The following CCNYL1 variants were observed in gnomAD, a reference collection of about 807,000 sequenced individuals.
CCNYL1 encodes cyclin-Y-like protein 1.
CCNYL1 carries 16 observed loss-of-function variants against 44.2 expected under a neutral mutation model. The ratio of observed to expected loss-of-function variants is 0.36; its 90% CI spans 0.25 to 0.55. The LOEUF (loss-of-function observed/expected upper bound fraction) is 0.55. CCNYL1 is among the 20% of genes least tolerant of loss of function. The pLI is 0.85. For missense variants in CCNYL1, 348 were observed against 451.8 expected (o/e 0.77, Z 2.08); for synonymous variants, 159 against 163.2 (o/e 0.97, Z 0.20).
Position 207,751,138 on chromosome 2 carries a change from T to C in CCNYL1, c.969+19T>C. ...CCTAGAGGTAAGGCTATGAAGTCAC[T>C]AAGTGAGGTTTTCCATCAGCCACCA... On this transcript the variant is annotated intron_variant, in intron 9 of 9. Transcript: ENST00000295414. 6.3e-7 allele frequency: 1 copy of C among 1,599,080 alleles called. No homozygotes were observed. Among genetic ancestry groups the C allele is most frequent in the Non-Finnish European group, 8.5e-7 (1 of 1,172,668 alleles).
intron 7 of CCNYL1, 126 bp from the exon 8 acceptor site, chr2:207,746,921 G>C: frequency 2.9e-6 from 2 of 688,264 alleles, no homozygotes; most frequent in Non-Finnish European, 4.7e-6. Context: ...GGTTCTGTGA[G>C]CCGAGATCGC....
chr2:207,740,412 G>A (rs2091799441), intron 5 of CCNYL1, among the ~76,000 whole-genome samples: 1 of 152,164 alleles, frequency 6.6e-6, no homozygotes, highest in Non-Finnish European at 1.5e-5. Flanking sequence ...AATACTTAAA[G>A]GCAATTCTGA....
At chr2:207,722,266 G>A (rs1194983718) in intron 1 of CCNYL1, among the ~76,000 whole-genome samples, 1 of 151,650 alleles carries the variant, frequency 6.6e-6, no homozygotes, top group Admixed American at 6.6e-5. Flanking sequence ...GTAGAGATGG[G>A]GTTTCACTGG....
At chr2:207,726,768 T>A (rs1025917220) in intron 2 of CCNYL1, 74 bp from the exon 3 acceptor site, 8 of 936,480 alleles carry the variant, frequency 8.5e-6, no homozygotes, top group Non-Finnish European at 1.3e-5. Context: ...ATATTGTTAA[T>A]CAGATGATTA....
chr2:207,714,989 G>T (rs1382987993), intron 1 of CCNYL1, among the ~76,000 whole-genome samples: 1 of 152,152 alleles, frequency 6.6e-6, no homozygotes, highest in Non-Finnish European at 1.5e-5. Context: ...AAAACATTTG[G>T]CTGGGCATGG....
chr2:207,712,174 C>A, intron 1 of CCNYL1, 58 bp downstream of exon 1: 1 of 1,467,808 alleles, frequency 6.8e-7, no homozygotes, highest in Non-Finnish European at 9.3e-7. Context: ...CCTCCTCCCC[C>A]AGAGTCCCCC....
Position 207,754,833 on chromosome 2 carries a change from T to A in CCNYL1, c.*1135T>A, listed in dbSNP as rs1315398659. 6.5e-6 allele frequency: 1 copy of A among 153,858 alleles called. No individual in the cohort carries two copies. Among genetic ancestry groups the A allele is most frequent in the African/African-American group, 2.4e-5 (1 of 41,456 alleles). The allele number at this position is 153,858 out of a possible 1,614,324, so 9.5% of individuals were successfully genotyped here. ...TTAAGCTTTTAATTTTTTGTTTCGG[T>A]CACTCTTGATAGCAGACATTGACTG... On this transcript the variant is annotated 3_prime_UTR_variant, in exon 10 of 10. Coordinates refer to ENST00000295414, the MANE Select transcript of CCNYL1 (RefSeq NM_001330218.2).
rs568153891 is a variant in CCNYL1, at chr2:207,729,936, G to A, written c.330+3060G>A. 5.9e-5 allele frequency among the ~76,000 whole-genome samples: 9 copies of A among 151,554 alleles called. No individual in the cohort carries two copies. The South Asian group carries it at 1.5e-3, about 25-fold the overall frequency. ...TTGCCGTATTAGCCAAGCTGGTCTC[G>A]AGCTCCTGGCCTCAAGTTCACCCAC... is the stretch of plus-strand genomic sequence containing the variant. On this transcript the variant is annotated intron_variant, in intron 3 of 9. Coordinates refer to ENST00000295414, the MANE Select transcript of CCNYL1 (RefSeq NM_001330218.2).
chr2:207,752,905 G>A (rs200087476), intron 9 of CCNYL1, among the ~76,000 whole-genome samples: 1 of 124,232 alleles, frequency 8.0e-6, no homozygotes, highest in Non-Finnish European at 2.0e-5. Flanking sequence ...TGGGTATGGT[G>A]GCACATGCCT....
At chr2:207,723,873 TCA>T (rs2091660158) in intron 1 of CCNYL1, among the ~76,000 whole-genome samples, 1 of 71,508 alleles carries the variant, frequency 1.4e-5, no homozygotes, top group Admixed American at 1.7e-4. Flanking sequence ...AGACTCCATC[TCA>T]AAAAAAAAAA....
chr2:207,730,503 ATC>A (rs1295384850), intron 3 of CCNYL1, among the ~76,000 whole-genome samples: 2 of 152,188 alleles, frequency 1.3e-5, no homozygotes, highest in Non-Finnish European at 2.9e-5. Flanking sequence ...CACGCCTGTA[ATC>A]TCAGCACTTT....
Position 207,730,733 on chromosome 2 carries a change from G to A in CCNYL1, c.331-3214G>A, listed in dbSNP as rs541431418. Among the ~76,000 whole-genome samples the A allele has an allele frequency of 8.5e-4, 129 of 152,208 alleles. 1 individual carries two copies. The highest frequency in any genetic ancestry group is 3.0e-3 in the African/African-American group (124 of 41,516). On this transcript the variant is annotated intron_variant, in intron 3 of 9. Coordinates refer to ENST00000295414, the MANE Select transcript of CCNYL1 (RefSeq NM_001330218.2). ...AGATTGCACCACTGCACTCCAGCCTGGGCAACAGAGCAAGACTCTGTTTAA... is the reference window on the plus strand; with the variant it reads ...AGATTGCACCACTGCACTCCAGCCTAGGCAACAGAGCAAGACTCTGTTTAA...
intron 8 of CCNYL1, among the ~76,000 whole-genome samples, chr2:207,748,239 C>T (rs1175308040): frequency 6.6e-6 from 1 of 152,180 alleles, no homozygotes; most frequent in Non-Finnish European, 1.5e-5. Flanking sequence ...GCGTTCCCCT[C>T]AGGCGGTCTG....
intron 4 of CCNYL1, among the ~76,000 whole-genome samples, chr2:207,735,425 G>T (rs1365446119): frequency 6.6e-6 from 1 of 152,086 alleles, no homozygotes; most frequent in Non-Finnish European, 1.5e-5. Context: ...TGATCTCTAG[G>T]CAGTCACAAG....
At position 207,754,750 on chromosome 2, in the gene CCNYL1, G is replaced by T. The variant is rs2091918864; in HGVS notation, c.*1052G>T. 6.5e-6 allele frequency: 1 copy of T among 154,272 alleles called. No individual in the cohort carries two copies. Among genetic ancestry groups the T allele is most frequent in the Admixed American group, 6.5e-5 (1 of 15,274 alleles). 9.6% of individuals were successfully genotyped at this position (154,272 alleles called of 1,614,324 possible). ...CTTCCTGGTCTCAAGCCATCCTCTAGCCTCAGCCACACAAGTAGCTGGGAC... is the reference window on the plus strand; with the variant it reads ...CTTCCTGGTCTCAAGCCATCCTCTATCCTCAGCCACACAAGTAGCTGGGAC... On this transcript the variant is annotated 3_prime_UTR_variant, in exon 10 of 10. Transcript: ENST00000295414.
intron 1 of CCNYL1, among the ~76,000 whole-genome samples, chr2:207,720,187 CAAA>C (rs747214958): frequency 5.2e-5 from 3 of 57,898 alleles, no homozygotes; most frequent in South Asian, 7.5e-4. Flanking sequence ...GACTCCGTCT[CAAA>C]AAAAAAAAAA....
chr2:207,750,747 A>G, intron 8 of CCNYL1: 1 of 476,262 alleles, frequency 2.1e-6, no homozygotes, highest in East Asian at 3.3e-5. Context: ...GTAACCTTCA[A>G]CCTTCATCCC....
In CCNYL1 at chr2:207,747,211, CAT is replaced by C; in HGVS notation, c.805_806del (p.Met269GlufsTer2). 1 of 1,599,464 alleles carries C rather than the reference CAT, an allele frequency of 6.3e-7. No individual in the cohort carries two copies. The highest frequency in any genetic ancestry group is 8.5e-7 in the Non-Finnish European group (1 of 1,169,678). On this transcript the variant is annotated frameshift_variant and splice_region_variant, in exon 8 of 10. Coordinates refer to ENST00000295414, the MANE Select transcript of CCNYL1 (RefSeq NM_001330218.2). LOFTEE classifies it high-confidence loss of function. Reference sequence around the variant, plus strand: ...TCCTCAAGGACATTACAGTTGAGGACATGTGAGTTTGTAAGGTTTTGGTGAAC... The same window carrying C: ...TCCTCAAGGACATTACAGTTGAGGACGTGAGTTTGTAAGGTTTTGGTGAAC... ...QILKDITVEDMNEMERHFLEL... is the reference protein window; with the variant it reads ...QILKDITVEDXNEMERHFLEL...
intron 4 of CCNYL1, among the ~76,000 whole-genome samples, chr2:207,735,061 A>G (rs1281407992): frequency 2.0e-5 from 3 of 152,224 alleles, no homozygotes; most frequent in African/African-American, 7.2e-5. Context: ...TGATGTTTCT[A>G]TAAGATTCAA....
Sources: allele counts gnomAD v4.1 joint callset (sites outside exome capture counted in the v4.1 genomes callset), GRCh38; gene constraint gnomAD v4.1.1; transcripts MANE v1.5; gene names NCBI Gene and HGNC (gene_info 2026-07-23, HGNC 2026-07-21).